Variants in THRB observed in about 807,000 individuals in gnomAD.
The protein encoded by THRB is thyroid hormone receptor beta.
In THRB, 12 loss-of-function variants were observed where a neutral mutation model predicts 47.8. The observed-to-expected ratio is 0.25, with a 90% CI of 0.16 to 0.41. The LOEUF (loss-of-function observed/expected upper bound fraction) is 0.41. THRB is among the 10% of genes least tolerant of loss of function. The pLI, the probability that THRB is intolerant of heterozygous loss-of-function variation, is 1.00. For missense variants in THRB, 348 were observed against 589.2 expected (o/e 0.59, Z 4.24); for synonymous variants, 218 against 212.2 (o/e 1.03, Z -0.24).
At chr3:24,368,821 T>C (rs1407941323) in intron 1 of THRB, among the ~76,000 whole-genome samples, 1 of 152,208 alleles carries the variant, frequency 6.6e-6, no homozygotes, top group Non-Finnish European at 1.5e-5. Context: ...GTTATAATGA[T>C]GTCATCCATC....
At chr3:24,178,461 A>G (rs1575619833) in intron 5 of THRB, among the ~76,000 whole-genome samples, 1 of 152,322 alleles carries the variant, frequency 6.6e-6, no homozygotes, top group South Asian at 2.1e-4. Context: ...ACTGCACTCC[A>G]GCTTGGGCAA....
At chr3:24,315,041 T>G (rs922782656) in intron 2 of THRB, among the ~76,000 whole-genome samples, 1 of 152,232 alleles carries the variant, frequency 6.6e-6, no homozygotes, top group Non-Finnish European at 1.5e-5. Flanking sequence ...ATATTTTCTT[T>G]GTCTTTTAAT....
At chr3:24,395,953 A>G (rs937062660) in intron 1 of THRB, among the ~76,000 whole-genome samples, 1 of 152,122 alleles carries the variant, frequency 6.6e-6, no homozygotes, top group African/African-American at 2.4e-5. Flanking sequence ...CTGTATACAG[A>G]CAGAAAGTAG....
intron 3 of THRB, among the ~76,000 whole-genome samples, chr3:24,271,403 G>A (rs1013290469): frequency 5.3e-5 from 8 of 152,166 alleles, no homozygotes; most frequent in African/African-American, 1.9e-4. Context: ...CCTGAGTGTG[G>A]CTAAACTTGT....
intron 3 of THRB, among the ~76,000 whole-genome samples, chr3:24,272,552 T>C (rs1435032026): frequency 6.6e-6 from 1 of 152,180 alleles, no homozygotes; most frequent in Non-Finnish European, 1.5e-5. Context: ...ACTTAAAGGA[T>C]ACTGATACTA....
intron 1 of THRB, among the ~76,000 whole-genome samples, chr3:24,478,193 GTACTTTCAGTCTC>G: frequency 6.6e-6 from 1 of 152,056 alleles, no homozygotes; most frequent in African/African-American, 2.4e-5. Flanking sequence ...CTGGGTTTTT[GTACTTTCAGTCTC>G]CAGATTTTGG....
intron 9 of THRB, among the ~76,000 whole-genome samples, chr3:24,128,665 C>A (rs1332576971): frequency 6.6e-6 from 1 of 151,034 alleles, no homozygotes. Context: ...CCATGCATCA[C>A]CTCATTTAAT....
intron 1 of THRB, among the ~76,000 whole-genome samples, chr3:24,401,555 G>A (rs902101050): frequency 1.3e-5 from 2 of 152,016 alleles, no homozygotes; most frequent in Non-Finnish European, 2.9e-5. Flanking sequence ...TAGCAATGCT[G>A]TTACTGCTAC....
At chr3:24,211,789 G>C (rs75322324) in intron 4 of THRB, among the ~76,000 whole-genome samples, 1 of 152,074 alleles carries the variant, frequency 6.6e-6, no homozygotes, top group Non-Finnish European at 1.5e-5. Context: ...TTGTTTTTCC[G>C]ACCCTCATCT....
At chr3:24,215,509 G>C (rs2046466560) in intron 4 of THRB, among the ~76,000 whole-genome samples, 1 of 152,206 alleles carries the variant, frequency 6.6e-6, no homozygotes, top group African/African-American at 2.4e-5. Flanking sequence ...AGAGATGTTG[G>C]TAAAACCTGG....
chr3:24,222,850 G>A (rs1358906796), intron 4 of THRB, among the ~76,000 whole-genome samples: 1 of 152,180 alleles, frequency 6.6e-6, no homozygotes, highest in Non-Finnish European at 1.5e-5. Flanking sequence ...ACTATTCATG[G>A]CAGCATTCGT....
intron 5 of THRB, among the ~76,000 whole-genome samples, chr3:24,156,608 T>C (rs1559473378): frequency 1.3e-5 from 2 of 152,306 alleles, no homozygotes; most frequent in African/African-American, 2.4e-5. Context: ...GGAAATACTT[T>C]GGGTAGCTCA....
chr3:24,170,648 TTCTG>T (rs369917070), intron 5 of THRB, among the ~76,000 whole-genome samples: 587 of 152,316 alleles, frequency 3.9e-3, no homozygotes, highest in African/African-American at 0.014. Flanking sequence ...GCACATGTTC[TTCTG>T]TCTGTCTGAT....
At chr3:24,488,088 C>T (rs1374248018) in intron 1 of THRB, among the ~76,000 whole-genome samples, 1 of 152,202 alleles carries the variant, frequency 6.6e-6, no homozygotes, top group East Asian at 1.9e-4. Flanking sequence ...CATTCCTCAT[C>T]ACAAACATTC....
chr3:24,284,305 A>C (rs960158810), intron 3 of THRB, among the ~76,000 whole-genome samples: 1 of 151,824 alleles, frequency 6.6e-6, no homozygotes, highest in Non-Finnish European at 1.5e-5. Context: ...ATCTTTGACA[A>C]ACCTGAGAAA....
chr3:24,229,592 A>G (rs772217474), intron 3 of THRB, among the ~76,000 whole-genome samples: 7 of 152,214 alleles, frequency 4.6e-5, no homozygotes, highest in Non-Finnish European at 1.0e-4. Flanking sequence ...AATGAGATCC[A>G]AGAGCAACAG....
At chr3:24,361,576 C>T (rs550561982) in intron 1 of THRB, among the ~76,000 whole-genome samples, 1 of 152,158 alleles carries the variant, frequency 6.6e-6, no homozygotes, top group African/African-American at 2.4e-5. Context: ...TGCCTGAGCA[C>T]CACTCAGTGA....
At chr3:24,167,621 T>C (rs1197057395) in intron 5 of THRB, among the ~76,000 whole-genome samples, 2 of 152,154 alleles carry the variant, frequency 1.3e-5, no homozygotes, top group African/African-American at 4.8e-5. Context: ...AGCAGTTTTC[T>C]TTTTTGGCAA....
intron 1 of THRB, among the ~76,000 whole-genome samples, chr3:24,398,261 C>T (rs2067121695): frequency 6.6e-6 from 1 of 152,118 alleles, no homozygotes; most frequent in African/African-American, 2.4e-5. Context: ...AACTGCTGCA[C>T]AGCAAAAGAA....
Sources: gnomAD v4.1 joint callset for allele counts (sites outside exome capture counted in the v4.1 genomes callset) on GRCh38, gnomAD v4.1.1 for gene constraint, MANE v1.5 for transcripts, NCBI Gene and HGNC (gene_info 2026-07-23, HGNC 2026-07-21) for gene names.